The following MTRES1 variants were observed in gnomAD, a reference collection of about 807,000 sequenced individuals.
The protein encoded by MTRES1 is mitochondrial transcription rescue factor 1.
A neutral mutation model predicts 17.4 loss-of-function variants in MTRES1; 11 were observed. That is an observed-to-expected ratio of 0.63 (90% confidence interval 0.40 to 1.05). The LOEUF (loss-of-function observed/expected upper bound fraction) is 1.05, where lower values mean the gene tolerates loss of function less well. Ranked by LOEUF, MTRES1 falls within the 50% of genes least tolerant of loss-of-function variation. The pLI is 0.00. For missense variants in MTRES1, 268 were observed against 276.2 expected, an observed-to-expected ratio of 0.97 and a Z score of 0.21; for synonymous variants, 94 against 99.6, an observed-to-expected ratio of 0.94 and a Z score of 0.34.
chr6:107,050,007 C>T (rs1292492708), intron 3 of MTRES1, among the ~76,000 whole-genome samples: 1 of 152,208 alleles, frequency 6.6e-6, no homozygotes, highest in Non-Finnish European at 1.5e-5. Flanking sequence ...AGGTGTGAAC[C>T]ACTGTGCTCG....
Position 107,040,108 on chromosome 6 carries a change from T to C in MTRES1, c.348T>C (p.Ser116=), listed in dbSNP as rs1774149381. 6.2e-7 allele frequency: 1 copy of C among 1,613,638 alleles called. No homozygotes were observed. Among genetic ancestry groups the C allele is most frequent in the African/African-American group, 1.3e-5 (1 of 74,888 alleles). The change falls in exon 2 of 4, where the codon AGT becomes AGC. Residue 116 remains serine, a synonymous_variant. Transcript: ENST00000311381. ...SDEESHHDEM[S]EQEEELEDDP... is the part of the protein sequence containing the mutation. ...AAGAAAGCCATCATGATGAGATGAG[T>C]GAGCAGGAAGAGGAGCTTGAGGATG...
At chr6:107,042,200 C>T (rs1774241376) in intron 2 of MTRES1, among the ~76,000 whole-genome samples, 1 of 151,686 alleles carries the variant, frequency 6.6e-6, no homozygotes, top group East Asian at 1.9e-4. Context: ...ATTGGCCGGG[C>T]GTGGTGGCAG....
In MTRES1 at chr6:107,034,908, A is replaced by C. The variant is rs1582596053; in HGVS notation, c.-12-4841A>C. 2.0e-5 allele frequency among the ~76,000 whole-genome samples: 3 copies of C among 151,890 alleles called. No individual in the cohort carries two copies. The East Asian group carries it at 5.9e-4, about 30-fold the overall frequency. ...AGGCTGAGGCAGGAGAATCACTTGA[A>C]CCTGGAAGGCGGAGGTTGCAGTGAA... On this transcript the variant is annotated intron_variant, in intron 1 of 3. Transcript: ENST00000311381.
intron 1 of MTRES1, among the ~76,000 whole-genome samples, chr6:107,030,331 G>A (rs370093520): frequency 2.0e-5 from 3 of 152,188 alleles, no homozygotes; most frequent in South Asian, 4.1e-4. Flanking sequence ...CCACGTGGAG[G>A]TGTCAAATAG....
intron 3 of MTRES1, among the ~76,000 whole-genome samples, chr6:107,048,198 G>A (rs1473413985): frequency 2.6e-5 from 4 of 152,078 alleles, no homozygotes; most frequent in East Asian, 4.0e-4. Context: ...GCAATGGCAC[G>A]ATCTCGGCTC....
At chr6:107,028,638 G>A (rs1349348180) in intron 1 of MTRES1, 1 of 152,358 alleles carries the variant, frequency 6.6e-6, no homozygotes, top group African/African-American at 2.4e-5. Context: ...CCAAGTAAAG[G>A]GAAGGATCTT....
At chr6:107,039,367 T>G (rs1774110402) in intron 1 of MTRES1, among the ~76,000 whole-genome samples, 1 of 152,100 alleles carries the variant, frequency 6.6e-6, no homozygotes, top group South Asian at 2.1e-4. Flanking sequence ...TTGCCTGGGC[T>G]GGAGTGCAGT....
chr6:107,039,444 C>T (rs568418734), intron 1 of MTRES1, among the ~76,000 whole-genome samples: 3 of 151,906 alleles, frequency 2.0e-5, no homozygotes, highest in Non-Finnish European at 2.9e-5. Flanking sequence ...CTCAGCCTCC[C>T]GAGTAGCTGG....
At chr6:107,042,264 C>T (rs1372215830) in intron 2 of MTRES1, among the ~76,000 whole-genome samples, 2 of 140,120 alleles carry the variant, frequency 1.4e-5, no homozygotes, top group Admixed American at 1.6e-4. Context: ...GATGTGAACC[C>T]AGGAGGCAGA....
chr6:107,038,007 C>T (rs1210185267), intron 1 of MTRES1, among the ~76,000 whole-genome samples: 2 of 152,206 alleles, frequency 1.3e-5, no homozygotes, highest in African/African-American at 4.8e-5. Flanking sequence ...GCATGAGCCA[C>T]CATGCCCACC....
At chr6:107,041,190 A>G (rs1582607623) in intron 2 of MTRES1, among the ~76,000 whole-genome samples, 1 of 147,902 alleles carries the variant, frequency 6.8e-6, no homozygotes, top group East Asian at 2.0e-4. Context: ...ACGCCATTGC[A>G]CTCCAGCCTG....
At chr6:107,031,101 C>T (rs147459313) in intron 1 of MTRES1, among the ~76,000 whole-genome samples, 152 of 152,128 alleles carry the variant, frequency 1.0e-3, no homozygotes, top group African/African-American at 3.5e-3. Context: ...CAGGGAGGGC[C>T]GGGCACAGTG....
intron 2 of MTRES1, among the ~76,000 whole-genome samples, chr6:107,041,816 C>T (rs537605344): frequency 5.9e-5 from 9 of 152,140 alleles, no homozygotes; most frequent in African/African-American, 9.6e-5. Context: ...CGTGAGCCAC[C>T]GCGCCTGGCG....
chr6:107,033,692 C>T (rs1299428300), intron 1 of MTRES1, among the ~76,000 whole-genome samples: 3 of 152,082 alleles, frequency 2.0e-5, no homozygotes, highest in Non-Finnish European at 2.9e-5. Flanking sequence ...GTGGCGGGTG[C>T]CTGTACTCCC....
chr6:107,039,539 T>C (rs1554227318), intron 1 of MTRES1, among the ~76,000 whole-genome samples: 1 of 152,046 alleles, frequency 6.6e-6, no homozygotes, highest in African/African-American at 2.4e-5. Flanking sequence ...AGGCTGGTCT[T>C]GTACTCCTGA....
At position 107,039,630 on chromosome 6, in the gene MTRES1, T is replaced by C. The variant is rs1774122316; in HGVS notation, c.-12-119T>C. 27 of 1,135,854 alleles carry C rather than the reference T, an allele frequency of 2.4e-5. 1 individual carries two copies. In the South Asian group the frequency reaches 4.5e-4, roughly 19 times the overall value. 70.4% of individuals were successfully genotyped at this position (1,135,854 alleles called of 1,614,324 possible). ...CCACTGCGCCAGGCCCAATAGGACTTTTTAGGGGCGAATACGTATAGTACT... is the reference window on the plus strand; with the variant it reads ...CCACTGCGCCAGGCCCAATAGGACTCTTTAGGGGCGAATACGTATAGTACT... On this transcript the variant is annotated intron_variant, in intron 1 of 3. Transcript: ENST00000311381.
intron 1 of MTRES1, among the ~76,000 whole-genome samples, chr6:107,030,436 T>C (rs1363428799): frequency 6.6e-6 from 1 of 152,114 alleles, no homozygotes; most frequent in Admixed American, 6.6e-5. Flanking sequence ...TGATTTATTA[T>C]AGCAAAAGGA....
chr6:107,048,791 A>G (rs1554228761), intron 3 of MTRES1, among the ~76,000 whole-genome samples: 1 of 151,504 alleles, frequency 6.6e-6, no homozygotes, highest in African/African-American at 2.4e-5. Flanking sequence ...AAAAAAAAAA[A>G]AAAGAAAAAA....
rs544599899 is a variant in MTRES1, at chr6:107,043,705, CAG to C, written c.471-552_471-551del. On this transcript the variant is annotated intron_variant, in intron 2 of 3. Transcript: ENST00000311381. ...AGAGGAGGCGTTGGACTTGCTGTCTCAGAGGTGGCAGAGGCTAAAGGAAATCC... is the reference window on the plus strand; with the variant it reads ...AGAGGAGGCGTTGGACTTGCTGTCTCAGGTGGCAGAGGCTAAAGGAAATCC... 1.1e-3 allele frequency among the ~76,000 whole-genome samples: 168 copies of C among 152,268 alleles called. 1 individual carries two copies. Among genetic ancestry groups the C allele is most frequent in the African/African-American group, 3.9e-3 (161 of 41,572 alleles).
Sources: allele counts gnomAD v4.1 joint callset (sites outside exome capture counted in the v4.1 genomes callset), GRCh38; gene constraint gnomAD v4.1.1; transcripts MANE v1.5; gene names NCBI Gene and HGNC (gene_info 2026-07-23, HGNC 2026-07-21).